Variants in CAMK2B observed in about 807,000 individuals in gnomAD.
CAMK2B encodes the protein calcium/calmodulin dependent protein kinase II beta.
Under a neutral mutation model 93.7 loss-of-function variants are expected in CAMK2B, and 27 were observed. The ratio of observed to expected loss-of-function variants is 0.29; its 90% CI spans 0.21 to 0.40. CAMK2B has a LOEUF of 0.40. Among genes scored for constraint, CAMK2B ranks in the 10% least tolerant of loss-of-function variants. CAMK2B has a pLI of 1.00. For synonymous variants in CAMK2B, 374 were observed against 358.8 expected, an observed-to-expected ratio of 1.04 and a Z score of -0.48; for missense variants, 568 against 895.8, an observed-to-expected ratio of 0.63 and a Z score of 4.67.
Position 44,311,199 on chromosome 7 carries a change from C to T in CAMK2B, c.65+14158G>A, listed in dbSNP as rs1793453003. ...CAAGCGATTCTCCTGCCTCAACCTC[C>T]TGAGTAGCTGGGATTACAGGCACAT... is the stretch of plus-strand genomic sequence containing the variant. On this transcript the variant is annotated intron_variant, in intron 1 of 23. Coordinates refer to ENST00000395749, the MANE Select transcript of CAMK2B (RefSeq NM_001220.5). The surrounding 1 kb of genome is among the most constrained non-coding windows in gnomAD (Gnocchi z 4.2). 6.6e-6 allele frequency among the ~76,000 whole-genome samples: 1 copy of T among 152,186 alleles called. No individual in the cohort carries two copies. The highest frequency in any genetic ancestry group is 2.1e-4 in the South Asian group (1 of 4,828).
chr7:44,243,498 G>T lies in CAMK2B; in HGVS notation c.444C>A (p.Cys148Ter). Residue 148 changes from cysteine (C) to a stop codon, truncating the protein, a stop_gained, in exon 7 of 24, where the codon TGC becomes TGA. Transcript: ENST00000395749. LOFTEE classifies it high-confidence loss of function. ...KPENLLLASK[C>*]KGAAVKLADF... ...CTGCCAGCTTCACTGCAGCCCCTTT[G>T]CACTTGCTGGCCAGAAGCAGGTTCT... The T allele has an allele frequency of 6.2e-7, 1 of 1,614,036 alleles. No homozygotes were observed. The highest frequency in any genetic ancestry group is 8.5e-7 in the Non-Finnish European group (1 of 1,179,990).
intron 2 of CAMK2B, among the ~76,000 whole-genome samples, chr7:44,280,098 G>C (rs911437539): frequency 3.9e-5 from 6 of 152,192 alleles, no homozygotes; most frequent in Admixed American, 6.5e-5. Context: ...GTGTCTAAAG[G>C]GGTTCCTCTC....
Position 44,243,277 on chromosome 7 carries a change from C to T in CAMK2B, c.574G>A (p.Gly192Ser). 2 of 1,614,010 alleles carry T rather than the reference C, an allele frequency of 1.2e-6. No individual in the cohort carries two copies. Among genetic ancestry groups the T allele is most frequent in the Non-Finnish European group, 1.7e-6 (2 of 1,179,948 alleles). The change falls in exon 8 of 24, where the codon GGC becomes AGC. Residue 192 changes from glycine (G) to serine (S), a missense_variant. This residue lies in a region of CAMK2B where 105 missense variants were observed against 372.4 expected (regional missense o/e 0.28). Coordinates refer to ENST00000395749, the MANE Select transcript of CAMK2B (RefSeq NM_001220.5). ...CATGCCCAGATGTCCACAGGCTTGC[C>T]ATACGCCTCTTTGCGAAGGACCTCA... ...SPEVLRKEAYGKPVDIWACGV... is the reference protein window; with the variant it reads ...SPEVLRKEAYSKPVDIWACGV...
At chr7:44,262,132 C>T (rs933974737) in intron 3 of CAMK2B, among the ~76,000 whole-genome samples, 5 of 152,240 alleles carry the variant, frequency 3.3e-5, no homozygotes, top group Admixed American at 6.5e-5. Flanking sequence ...CAGCGACCTT[C>T]GGAGCCAGGC....
At chr7:44,304,811 G>A (rs554192510) in intron 1 of CAMK2B, among the ~76,000 whole-genome samples, 3 of 152,146 alleles carry the variant, frequency 2.0e-5, no homozygotes, top group African/African-American at 7.2e-5. Flanking sequence ...ACTAATGCCA[G>A]ATGTTAACAA....
intron 2 of CAMK2B, among the ~76,000 whole-genome samples, chr7:44,264,498 C>T (rs2096906909): frequency 6.6e-6 from 1 of 152,328 alleles, no homozygotes; most frequent in South Asian, 2.1e-4. Context: ...CCTGCCCTGG[C>T]CACCTGGCTG....
intron 2 of CAMK2B, among the ~76,000 whole-genome samples, chr7:44,278,675 TC>T (rs1369498590): frequency 6.6e-6 from 1 of 152,162 alleles, no homozygotes. Context: ...GTGCCAAGCA[TC>T]CTTCCTCTAC....
chr7:44,265,039 G>A (rs1304844908), intron 2 of CAMK2B, among the ~76,000 whole-genome samples: 4 of 152,086 alleles, frequency 2.6e-5, no homozygotes, highest in African/African-American at 7.2e-5. Context: ...GGTGCAGGAC[G>A]GTGAGTTCAC....
In CAMK2B at chr7:44,312,968, C is replaced by A. The variant is rs6966711; in HGVS notation, c.65+12389G>T. Among the ~76,000 whole-genome samples, 17,528 of 152,086 alleles carry A rather than the reference C, an allele frequency of 0.12. 1,305 individuals are homozygous for A. The highest frequency in any genetic ancestry group is 0.16 in the Non-Finnish European group (10,746 of 67,934). ...GTGGTAGGCAGTGGGCCCAGGACAG[C>A]TGGGTCCCCAGCTCTGTCGAAGGAG... On this transcript the variant is annotated intron_variant, in intron 1 of 23. Transcript: ENST00000395749. The surrounding 1 kb of genome is among the most constrained non-coding windows in gnomAD (Gnocchi z 4.1).
intron 2 of CAMK2B, among the ~76,000 whole-genome samples, chr7:44,265,092 G>T (rs1562953468): frequency 2.0e-5 from 3 of 152,152 alleles, no homozygotes; most frequent in Non-Finnish European, 2.9e-5. Context: ...TAAACTGATT[G>T]TGAACATTTT....
At chr7:44,246,804 T>C (rs921742485) in intron 6 of CAMK2B, among the ~76,000 whole-genome samples, 2 of 151,980 alleles carry the variant, frequency 1.3e-5, no homozygotes, top group Non-Finnish European at 2.9e-5. Context: ...TGTACACACG[T>C]ATGCACATGC....
Position 44,220,087 on chromosome 7 carries a change from C to T in CAMK2B, c.1976G>A (p.Gly659Asp). The T allele has an allele frequency of 6.2e-7, 1 of 1,602,992 alleles. No homozygotes were observed. Among genetic ancestry groups the T allele is most frequent in the Non-Finnish European group, 8.5e-7 (1 of 1,177,140 alleles). Residue 659 changes from glycine to aspartate, a missense_variant, in exon 23 of 24, where the codon GGC becomes GAC. Gly to Asp is a moderately conservative substitution (Grantham distance 94). Coordinates refer to ENST00000395749, the MANE Select transcript of CAMK2B (RefSeq NM_001220.5). ...TCACTGCAGCGGGGCCACAGGCGCG[C>T]CCGAGCAGTGGAAGTGCACGTTCTG... ...KWQNVHFHCS[G>D]APVAPLQ
chr7:44,288,526 G>T (rs1465160501), intron 1 of CAMK2B, among the ~76,000 whole-genome samples: 1 of 152,366 alleles, frequency 6.6e-6, no homozygotes, highest in South Asian at 2.1e-4. Context: ...TGGCCTGCAT[G>T]GGACGAATGC....
At chr7:44,325,090 C>CGCG (rs1797168655) in intron 1 of CAMK2B, 1 of 151,162 alleles carries the variant, frequency 6.6e-6, no homozygotes, top group Non-Finnish European at 1.5e-5. Flanking sequence ...CCGCCCCCGC[C>CGCG]GCGCCAAGTC....
At chr7:44,260,446 GGCCCCAGAA>G (rs1223051534) in intron 3 of CAMK2B, among the ~76,000 whole-genome samples, 5 of 152,184 alleles carry the variant, frequency 3.3e-5, no homozygotes, top group African/African-American at 9.7e-5. Context: ...GGGCAGGCCA[GGCCCCAGAA>G]GCCTCCACAG....
rs777646986 is a variant in CAMK2B at position 44,294,133 on chromosome 7, C to T, written c.66-9908G>A. On this transcript the variant is annotated intron_variant, in intron 1 of 23. Coordinates refer to ENST00000395749, the MANE Select transcript of CAMK2B (RefSeq NM_001220.5). ...CCCAGCATCCCACACACCTGGCTGA[C>T]CCCCCTCCAAGGAAGGAAAACCCCA... is the stretch of plus-strand genomic sequence containing the variant. Among the ~76,000 whole-genome samples the T allele has an allele frequency of 6.6e-5, 10 of 152,152 alleles. 1 individual carries two copies. The highest frequency in any genetic ancestry group is 1.3e-4 in the Non-Finnish European group (9 of 68,020).
Position 44,240,763 on chromosome 7 carries a change from C to A in CAMK2B, c.904-14G>T. 1 of 1,613,318 alleles carries A rather than the reference C, an allele frequency of 6.2e-7. No individual in the cohort carries two copies. The highest frequency in any genetic ancestry group is 8.5e-7 in the Non-Finnish European group (1 of 1,179,734). On this transcript the variant is annotated splice_polypyrimidine_tract_variant and intron_variant, in intron 11 of 23. Coordinates refer to ENST00000395749, the MANE Select transcript of CAMK2B (RefSeq NM_001220.5). ...GAGGATGGCTCCCTGGGGAGAGACA[C>A]AGATAAAACCGGGGCTATCCCATCA...
chr7:44,253,735 T>C (rs1349302961), intron 5 of CAMK2B, among the ~76,000 whole-genome samples: 1 of 152,134 alleles, frequency 6.6e-6, no homozygotes, highest in African/African-American at 2.4e-5. Context: ...GTGGCTGATG[T>C]GCATGTGTGC....
At chr7:44,287,555 ATGTT>A (rs1283221399) in intron 1 of CAMK2B, among the ~76,000 whole-genome samples, 1 of 152,128 alleles carries the variant, frequency 6.6e-6, no homozygotes, top group Non-Finnish European at 1.5e-5. Flanking sequence ...GGCCACAAAC[ATGTT>A]TAGCATGAGC....
Sources: gnomAD v4.1 joint callset for allele counts (sites outside exome capture counted in the v4.1 genomes callset) on GRCh38, gnomAD v4.1.1 for gene constraint, gnomAD v4.1.1 regional missense constraint, Gnocchi (gnomAD v3.1) non-coding constraint, MANE v1.5 for transcripts, NCBI Gene and HGNC (gene_info 2026-07-23, HGNC 2026-07-21) for gene names.